PSPH: variants seen among roughly 807,000 people sequenced by gnomAD.
The protein encoded by PSPH is L-3-phosphoserine phosphatase.
In PSPH, 16 loss-of-function variants were observed where a neutral mutation model predicts 23.4. That is an observed-to-expected ratio of 0.68 (90% CI 0.46 to 1.04). The LOEUF (loss-of-function observed/expected upper bound fraction) is 1.04. PSPH is among the 50% of genes least tolerant of loss of function. PSPH has a pLI of 0.00. For synonymous variants in PSPH, 68 were observed against 99.7 expected (o/e 0.68, Z 1.89); for missense variants, 223 against 273.7 (o/e 0.81, Z 1.31).
intron 1 of PSPH, among the ~76,000 whole-genome samples, chr7:56,041,134 C>T (rs1270083722): frequency 1.3e-5 from 2 of 151,362 alleles, no homozygotes; most frequent in Non-Finnish European, 1.5e-5. Flanking sequence ...GAGGCCAAGG[C>T]GAGAGGATTG....
At chr7:56,040,496 C>T (rs1421179035) in intron 1 of PSPH, among the ~76,000 whole-genome samples, 2 of 151,852 alleles carry the variant, frequency 1.3e-5, no homozygotes, top group African/African-American at 2.4e-5. Context: ...TGGGTTCAAG[C>T]GATGGGATTT....
intron 5 of PSPH, among the ~76,000 whole-genome samples, chr7:56,018,518 T>G (rs552756105): frequency 1.1e-4 from 17 of 152,152 alleles, no homozygotes; most frequent in Admixed American, 3.9e-4. Context: ...ACCAGACAAC[T>G]GGCCAGACAA....
chr7:56,032,564 GC>G (rs11314097), intron 2 of PSPH, among the ~76,000 whole-genome samples: 39,544 of 151,280 alleles, frequency 0.26, 5,373 homozygotes, highest in East Asian at 0.41. Flanking sequence ...GGAGGCTGAG[GC>G]AGGAGAATGG....
intron 4 of PSPH, among the ~76,000 whole-genome samples, chr7:56,020,698 G>C (rs1789252319): frequency 6.6e-6 from 1 of 151,870 alleles, no homozygotes; most frequent in Admixed American, 6.6e-5. Context: ...CCCAGCTGCA[G>C]GGCGGGAGGG....
At chr7:56,049,309 C>G (rs1226162892) in intron 1 of PSPH, among the ~76,000 whole-genome samples, 1 of 152,108 alleles carries the variant, frequency 6.6e-6, no homozygotes, top group Admixed American at 6.6e-5. Flanking sequence ...CTGACAGGTC[C>G]CAGTGTGTGA....
chr7:56,046,738 C>T (rs13244123), intron 1 of PSPH, among the ~76,000 whole-genome samples: 2 of 149,486 alleles, frequency 1.3e-5, no homozygotes, highest in African/African-American at 2.5e-5. Context: ...GAGCCGGTAT[C>T]GCACCACTAC....
At chr7:56,013,100 T>C (rs1788132647) in intron 7 of PSPH, among the ~76,000 whole-genome samples, 1 of 148,316 alleles carries the variant, frequency 6.7e-6, no homozygotes, top group South Asian at 2.1e-4. Flanking sequence ...TATATATACA[T>C]ATGTGTGTAT....
intron 1 of PSPH, among the ~76,000 whole-genome samples, chr7:56,040,246 A>AG (rs942299903): frequency 1.3e-5 from 2 of 152,200 alleles, no homozygotes; most frequent in Admixed American, 1.3e-4. Flanking sequence ...ACATGAATAA[A>AG]GGAAGTTGAA....
intron 3 of PSPH, among the ~76,000 whole-genome samples, chr7:56,025,570 T>C (rs1020345821): frequency 6.6e-6 from 1 of 150,864 alleles, no homozygotes; most frequent in Non-Finnish European, 1.5e-5. Flanking sequence ...CACACACAAT[T>C]TATGGCTCAA....
intron 1 of PSPH, among the ~76,000 whole-genome samples, chr7:56,039,967 C>T (rs1268576259): frequency 1.1e-4 from 16 of 151,466 alleles, no homozygotes; most frequent in African/African-American, 3.9e-4. Flanking sequence ...GGCGTGGTGG[C>T]GGGCGCCTGT....
Position 56,021,214 on chromosome 7 carries a change from G to T in PSPH, c.-2C>A. On this transcript the variant is annotated 5_prime_UTR_variant, in exon 4 of 8. Transcript: ENST00000275605. ...CCTCAGCTCTGAGTGGGAGACCATC[G>T]CTGGAAGAATTTTCCTCCTACAAGA... 1.3e-6 allele frequency: 2 copies of T among 1,528,248 alleles called. No individual in the cohort carries two copies. The highest frequency in any genetic ancestry group is 1.8e-6 in the Non-Finnish European group (2 of 1,128,554). The allele number at this position is 1,528,248 out of a possible 1,614,324, so 94.7% of individuals were successfully genotyped here.
At chr7:56,033,393 G>A (rs1334818086) in intron 2 of PSPH, 4 of 151,174 alleles carry the variant, frequency 2.6e-5, no homozygotes, top group Non-Finnish European at 5.9e-5. Flanking sequence ...AGATACTCAG[G>A]AGGCTGAGGC....
chr7:56,011,803 T>C lies in PSPH; in HGVS notation c.637A>G (p.Ile213Val). ...CCCAGCAGCTCTACAAAATCAGTGA[T>C]ATACCATTTGGCGTTATCCTTGACT... ...QQVKDNAKWY[I>V]TDFVELLGEL... The change falls in exon 8 of 8, where the codon ATC becomes GTC. Residue 213 changes from isoleucine (I) to valine (V), a missense_variant. Transcript: ENST00000275605. 1.9e-6 allele frequency: 3 copies of C among 1,613,620 alleles called. No individual in the cohort carries two copies. Among genetic ancestry groups the C allele is most frequent in the Non-Finnish European group, 2.5e-6 (3 of 1,179,590 alleles).
At chr7:56,021,942 T>C (rs1411311802) in intron 3 of PSPH, among the ~76,000 whole-genome samples, 4 of 83,938 alleles carry the variant, frequency 4.8e-5, no homozygotes, top group Admixed American at 1.7e-4. Flanking sequence ...AAAGCGAGAC[T>C]CCGTCTCAAA....
intron 3 of PSPH, among the ~76,000 whole-genome samples, chr7:56,029,320 A>T (rs998410854): frequency 6.6e-6 from 1 of 151,994 alleles, no homozygotes; most frequent in African/African-American, 2.4e-5. Context: ...ACAGGGAGGG[A>T]GAGGGCAGGG....
Position 56,034,010 on chromosome 7 carries a change from AG to A in PSPH, c.-196del. ...CCTGCGGCTGCAACCTTCCGGCTGCAGGGGGCCAGCGCCGGCTCCGACGCTC... is the reference window on the plus strand; with the variant it reads ...CCTGCGGCTGCAACCTTCCGGCTGCAGGGGCCAGCGCCGGCTCCGACGCTC... On this transcript the variant is annotated 5_prime_UTR_variant, in exon 2 of 8. Coordinates refer to ENST00000275605, the MANE Select transcript of PSPH (RefSeq NM_004577.4). 6.5e-6 allele frequency: 1 copy of A among 152,778 alleles called. No homozygotes were observed. Among genetic ancestry groups the A allele is most frequent in the Non-Finnish European group, 1.5e-5 (1 of 68,410 alleles). The allele number at this position is 152,778 out of a possible 1,614,324, so 9.5% of individuals were successfully genotyped here.
chr7:56,020,631 A>G (rs1216133594), intron 4 of PSPH, among the ~76,000 whole-genome samples: 3 of 152,120 alleles, frequency 2.0e-5, no homozygotes, highest in African/African-American at 4.8e-5. Context: ...TCTCGAAAAA[A>G]AAAAAAAGAA....
chr7:56,041,640 T>C (rs529737428), intron 1 of PSPH, among the ~76,000 whole-genome samples: 1 of 151,762 alleles, frequency 6.6e-6, no homozygotes, highest in East Asian at 2.0e-4. Context: ...AACGTGTGAG[T>C]GCGCCGGGCA....
At chr7:56,037,859 T>C (rs1791939735) in intron 1 of PSPH, among the ~76,000 whole-genome samples, 1 of 151,566 alleles carries the variant, frequency 6.6e-6, no homozygotes. Flanking sequence ...ATTACAAGCA[T>C]GCACCACCAT....
Sources: allele counts gnomAD v4.1 joint callset (sites outside exome capture counted in the v4.1 genomes callset), GRCh38; gene constraint gnomAD v4.1.1; transcripts MANE v1.5; gene names NCBI Gene and HGNC (gene_info 2026-07-23, HGNC 2026-07-21).